Variants in ASIC2 observed in about 807,000 individuals in gnomAD.
The protein encoded by ASIC2 is acid sensing ion channel subunit 2, also known as acid-sensing ion channel 2.
ASIC2 carries 25 observed loss-of-function variants against 57.3 expected under a neutral mutation model. The observed-to-expected ratio is 0.44, with a 90% CI of 0.32 to 0.61. The LOEUF (loss-of-function observed/expected upper bound fraction) is 0.61. Ranked by LOEUF, ASIC2 falls within the 20% of genes least tolerant of loss-of-function variation. The pLI, the probability that ASIC2 is intolerant of heterozygous loss-of-function variation, is 0.06. For missense variants in ASIC2, 641 were observed against 738.1 expected (o/e 0.87, Z 1.52); for synonymous variants, 319 against 307.5 (o/e 1.04, Z -0.39).
intron 1 of ASIC2, among the ~76,000 whole-genome samples, chr17:33,532,761 C>A (rs1254396939): frequency 1.3e-5 from 2 of 152,202 alleles, no homozygotes; most frequent in African/African-American, 4.8e-5. Context: ...TTGCCTCTCA[C>A]CCAGCCCAAG....
Position 33,292,523 on chromosome 17 carries a change from C to A in ASIC2, c.-408G>T. On this transcript the variant is annotated 5_prime_UTR_variant, in exon 1 of 10. Transcript: ENST00000225823. Reference sequence around the variant, plus strand: ...TCGGGGGACCCTGAGCCGAGTCCCCCCTGCCCCGCCTAACCCCAGCTTTTA... The same window carrying A: ...TCGGGGGACCCTGAGCCGAGTCCCCACTGCCCCGCCTAACCCCAGCTTTTA... 2.0e-6 allele frequency: 2 copies of A among 985,876 alleles called. No homozygotes were observed. Among genetic ancestry groups the A allele is most frequent in the Non-Finnish European group, 2.4e-6 (2 of 830,340 alleles). The allele number at this position is 985,876 out of a possible 1,614,324, so 61.1% of individuals were successfully genotyped here.
chr17:34,036,117 C>G (rs1907865302), intron 1 of ASIC2, among the ~76,000 whole-genome samples: 2 of 151,878 alleles, frequency 1.3e-5, no homozygotes, highest in African/African-American at 4.8e-5. Context: ...GACTTGGAAC[C>G]AACCTAAATG....
At chr17:33,620,038 A>T (rs1039849146) in intron 1 of ASIC2, among the ~76,000 whole-genome samples, 2 of 152,144 alleles carry the variant, frequency 1.3e-5, no homozygotes, top group Non-Finnish European at 2.9e-5. Flanking sequence ...AAGTTTTCAT[A>T]TGTGTACACT....
chr17:33,605,895 C>T (rs968183707), intron 1 of ASIC2, among the ~76,000 whole-genome samples: 7 of 152,360 alleles, frequency 4.6e-5, no homozygotes, highest in African/African-American at 1.7e-4. Context: ...CCTGTCCCCA[C>T]TGAGTCTCGG....
At chr17:33,102,973 C>T (rs557209854) in intron 2 of ASIC2, among the ~76,000 whole-genome samples, 8 of 152,188 alleles carry the variant, frequency 5.3e-5, no homozygotes, top group South Asian at 2.1e-4. Context: ...TCAGTAGAGA[C>T]AGGGTTTCAC....
intron 1 of ASIC2, among the ~76,000 whole-genome samples, chr17:34,153,904 C>A (rs934715755): frequency 2.6e-5 from 4 of 152,232 alleles, no homozygotes; most frequent in African/African-American, 9.6e-5. Flanking sequence ...CTCAGGCGAA[C>A]TTTAAGGCCT....
rs576748170 is a variant in ASIC2 at position 33,284,709 on chromosome 17, A to G, written c.708+6699T>C. Among the ~76,000 whole-genome samples the G allele has an allele frequency of 2.0e-5, 3 of 152,234 alleles. No individual in the cohort carries two copies. The South Asian group carries it at 6.2e-4, about 32-fold the overall frequency. On this transcript the variant is annotated intron_variant, in intron 1 of 9. Transcript: ENST00000225823. ...TGATCTTTCGTTGAATCGTGACTCT[A>G]CTACTTCCCAGATGCATGGCTTTGT...
At chr17:33,798,821 ATTTCTGCTGTTTGCAATGG>A (rs1911995751) in intron 1 of ASIC2, among the ~76,000 whole-genome samples, 1 of 152,100 alleles carries the variant, frequency 6.6e-6, no homozygotes, top group African/African-American at 2.4e-5. Flanking sequence ...GCCACCAGCA[ATTTCTGCTGTTTGCAATGG>A]TCAGGGGAAA....
At chr17:33,216,501 C>G (rs974704208) in intron 1 of ASIC2, among the ~76,000 whole-genome samples, 3 of 152,150 alleles carry the variant, frequency 2.0e-5, no homozygotes, top group Non-Finnish European at 2.9e-5. Flanking sequence ...ATAAGATGTC[C>G]TGAATGACGA....
intron 1 of ASIC2, among the ~76,000 whole-genome samples, chr17:33,390,745 C>T (rs757578452): frequency 3.3e-5 from 5 of 152,226 alleles, no homozygotes; most frequent in South Asian, 2.1e-4. Context: ...ACTCAGAATG[C>T]GTCAGAGCGC....
At chr17:34,054,461 C>T (rs1440496223) in intron 1 of ASIC2, among the ~76,000 whole-genome samples, 1 of 152,046 alleles carries the variant, frequency 6.6e-6, no homozygotes. Context: ...TGTATGGGTA[C>T]CCTCCTTTCC....
chr17:33,310,661 C>A (rs949340489), intron 1 of ASIC2, among the ~76,000 whole-genome samples: 1 of 152,154 alleles, frequency 6.6e-6, no homozygotes, highest in Non-Finnish European at 1.5e-5. Context: ...CTGCTGTTCT[C>A]TCTTTTAATG....
At chr17:33,427,399 A>G (rs1260822308) in intron 1 of ASIC2, among the ~76,000 whole-genome samples, 1 of 152,228 alleles carries the variant, frequency 6.6e-6, no homozygotes, top group Non-Finnish European at 1.5e-5. Flanking sequence ...CATTATAGTT[A>G]AAAAGACCAA....
At chr17:33,897,292 T>C (rs1314191024) in intron 1 of ASIC2, among the ~76,000 whole-genome samples, 1 of 152,224 alleles carries the variant, frequency 6.6e-6, no homozygotes, top group African/African-American at 2.4e-5. Flanking sequence ...TGTCCTCTTG[T>C]TGCTCCTAAA....
intron 1 of ASIC2, among the ~76,000 whole-genome samples, chr17:33,530,719 A>G (rs1915025971): frequency 6.6e-6 from 1 of 152,230 alleles, no homozygotes; most frequent in East Asian, 1.9e-4. Flanking sequence ...GCCTAGGGAG[A>G]CAGAGGTAGG....
chr17:34,038,113 T>C (rs1907960545), intron 1 of ASIC2: 4 of 1,613,096 alleles, frequency 2.5e-6, no homozygotes, highest in African/African-American at 1.3e-5. Flanking sequence ...CTGTAATTTT[T>C]ATCTCTCCAC....
chr17:33,159,136 C>A (rs1905092634), intron 1 of ASIC2, among the ~76,000 whole-genome samples: 1 of 152,036 alleles, frequency 6.6e-6, no homozygotes, highest in Admixed American at 6.5e-5. Context: ...GATAAATTAC[C>A]ATTAGTTTAG....
chr17:34,031,911 G>A (rs1030265985), intron 1 of ASIC2, among the ~76,000 whole-genome samples: 2 of 152,328 alleles, frequency 1.3e-5, no homozygotes, highest in African/African-American at 2.4e-5. Context: ...GTGACGGGGA[G>A]AATGGAACCA....
intron 1 of ASIC2, among the ~76,000 whole-genome samples, chr17:33,899,452 T>C (rs1915183949): frequency 6.6e-6 from 1 of 152,162 alleles, no homozygotes; most frequent in South Asian, 2.1e-4. Flanking sequence ...ATTGGGGCAA[T>C]ACCGCCAGAG....
Sources: allele counts gnomAD v4.1 joint callset (sites outside exome capture counted in the v4.1 genomes callset), GRCh38; gene constraint gnomAD v4.1.1; transcripts MANE v1.5; gene names NCBI Gene and HGNC (gene_info 2026-07-23, HGNC 2026-07-21).